The following ST3GAL2 variants were observed in gnomAD, a reference collection of about 807,000 sequenced individuals.
The protein encoded by ST3GAL2 is CMP-N-acetylneuraminate-beta-galactosamide-alpha-2,3-sialyltransferase 2.
In ST3GAL2, 16 loss-of-function variants were observed where a neutral mutation model predicts 37.5. That is an observed-to-expected ratio of 0.43 (90% CI 0.29 to 0.65). ST3GAL2 has a LOEUF of 0.65. Among genes scored for constraint, ST3GAL2 ranks in the 30% least tolerant of loss-of-function variants. ST3GAL2 has a pLI of 0.17. For synonymous variants in ST3GAL2, 238 were observed against 202.9 expected (o/e 1.17, Z -1.47); for missense variants, 383 against 487.8 (o/e 0.79, Z 2.02).
Position 70,379,789 on chromosome 16 carries a change from T to C in ST3GAL2, c.*1900A>G, listed in dbSNP as rs930186765. The C allele has an allele frequency of 8.5e-5, 12 of 140,952 alleles. No individual in the cohort carries two copies. The highest frequency in any genetic ancestry group is 3.0e-4 in the African/African-American group (12 of 40,674). The allele number at this position is 140,952 out of a possible 1,614,324, so 8.7% of individuals were successfully genotyped here. On this transcript the variant is annotated 3_prime_UTR_variant, in exon 7 of 7. Transcript: ENST00000342907. The stretch of plus-strand genomic sequence containing the variant: ...GGTGCGCACCACTGCGCCTGGCTAA[T>C]TTTTGTATTTTTTTTTTTTTTTGGT...
chr16:70,407,969 T>C lies in ST3GAL2; in HGVS notation c.-1003-8436A>G, dbSNP rs149150233. On this transcript the variant is annotated intron_variant, in intron 1 of 6. Transcript: ENST00000342907. ...TGGGGGGATGGGTGCTGCTTGCCTC[T>C]GGGAGGGAGAGGAGAAAGACGAAAG... Among the ~76,000 whole-genome samples, 12 of 152,194 alleles carry C rather than the reference T, an allele frequency of 7.9e-5. No homozygotes were observed. The East Asian group carries it at 2.3e-3, about 29-fold the overall frequency.
At position 70,425,722 on chromosome 16, in the gene ST3GAL2, CA is replaced by C. The variant is rs61445465; in HGVS notation, c.-1004+13226del. On this transcript the variant is annotated intron_variant, in intron 1 of 6. Coordinates refer to ENST00000342907, the MANE Select transcript of ST3GAL2 (RefSeq NM_006927.4). ...GGGTAACAAGAGCGAAACTCTGTCT[CA>C]AAAAAAAAAACTACTTACTTGACAT... Among the ~76,000 whole-genome samples, 54 of 144,946 alleles carry C rather than the reference CA, an allele frequency of 3.7e-4. 1 individual carries two copies. The East Asian group carries it at 8.2e-3, about 22-fold the overall frequency.
chr16:70,438,156 C>T (rs1597580977), intron 1 of ST3GAL2, among the ~76,000 whole-genome samples: 1 of 152,114 alleles, frequency 6.6e-6, no homozygotes, highest in Non-Finnish European at 1.5e-5. Context: ...CAGAGGGAAC[C>T]CGGAGTGGGT....
At chr16:70,419,117 C>A (rs922023684) in intron 1 of ST3GAL2, among the ~76,000 whole-genome samples, 9 of 152,212 alleles carry the variant, frequency 5.9e-5, no homozygotes, top group Admixed American at 2.6e-4. Context: ...CCTACCCTCC[C>A]CCACTGTAAG....
At position 70,379,189 on chromosome 16, in the gene ST3GAL2, CAG is replaced by C. The variant is rs780347272; in HGVS notation, c.*2498_*2499del. 5.9e-5 allele frequency: 9 copies of C among 152,166 alleles called. No individual in the cohort carries two copies. The highest frequency in any genetic ancestry group is 1.3e-4 in the Admixed American group (2 of 15,252). 9.4% of individuals were successfully genotyped at this position (152,166 alleles called of 1,614,324 possible). On this transcript the variant is annotated 3_prime_UTR_variant, in exon 7 of 7. Transcript: ENST00000342907. Reference sequence around the variant, plus strand: ...TGGATACCTGGAGACATCATGTTGACAGAGGCCAAAGTGGTTACAGGACAGCC... The same window carrying C: ...TGGATACCTGGAGACATCATGTTGACAGGCCAAAGTGGTTACAGGACAGCC...
chr16:70,392,210 CA>C (rs2151660660), intron 3 of ST3GAL2, among the ~76,000 whole-genome samples: 1 of 152,282 alleles, frequency 6.6e-6, no homozygotes, highest in African/African-American at 2.4e-5. Context: ...CAAGAGGTCC[CA>C]AAATATGTTT....
intron 1 of ST3GAL2, among the ~76,000 whole-genome samples, chr16:70,435,168 A>G (rs1316313929): frequency 6.6e-6 from 1 of 152,152 alleles, no homozygotes; most frequent in Non-Finnish European, 1.5e-5. Context: ...CCTTGCTTCA[A>G]ATAACCGTGG....
intron 4 of ST3GAL2, among the ~76,000 whole-genome samples, chr16:70,386,566 T>C (rs1171226643): frequency 1.3e-5 from 2 of 151,912 alleles, no homozygotes; most frequent in Non-Finnish European, 2.9e-5. Context: ...TCTTGATCTC[T>C]TGACCTCATG....
At chr16:70,406,548 G>T (rs541324431) in intron 1 of ST3GAL2, among the ~76,000 whole-genome samples, 2 of 151,952 alleles carry the variant, frequency 1.3e-5, no homozygotes, top group Admixed American at 1.3e-4. Context: ...TTGGGATGCC[G>T]AGGGTGGCGG....
intron 4 of ST3GAL2, among the ~76,000 whole-genome samples, chr16:70,384,705 CAAAAA>C (rs34907504): frequency 1.4e-5 from 1 of 69,114 alleles, no homozygotes; most frequent in Admixed American, 1.6e-4. Flanking sequence ...AACTCTGTCT[CAAAAA>C]AAAAAAAAAA....
At chr16:70,396,105 G>A (rs2047514447) in intron 2 of ST3GAL2, among the ~76,000 whole-genome samples, 1 of 151,570 alleles carries the variant, frequency 6.6e-6, no homozygotes, top group Admixed American at 6.6e-5. Flanking sequence ...CCGAGTAGCT[G>A]CAATTACAGG....
At position 70,426,008 on chromosome 16, in the gene ST3GAL2, A is replaced by T. The variant is rs146989457; in HGVS notation, c.-1004+12941T>A. Among the ~76,000 whole-genome samples, 34 of 152,158 alleles carry T rather than the reference A, an allele frequency of 2.2e-4. No individual in the cohort carries two copies. In the East Asian group the frequency reaches 4.1e-3, roughly 18 times the overall value. Reference sequence around the variant, plus strand: ...CACTGCCCACCATCAGAGTCCCCCAACCACAGGGAAGCCTCAGCAGGGGAG... The same window carrying T: ...CACTGCCCACCATCAGAGTCCCCCATCCACAGGGAAGCCTCAGCAGGGGAG... On this transcript the variant is annotated intron_variant, in intron 1 of 6. Transcript: ENST00000342907.
chr16:70,411,833 GAA>G (rs1192936574), intron 1 of ST3GAL2, among the ~76,000 whole-genome samples: 1 of 151,806 alleles, frequency 6.6e-6, no homozygotes, highest in Non-Finnish European at 1.5e-5. Flanking sequence ...CGTCTCTACT[GAA>G]AATACAAAAT....
intron 4 of ST3GAL2, among the ~76,000 whole-genome samples, chr16:70,383,720 C>T (rs141362903): frequency 2.0e-5 from 3 of 152,016 alleles, no homozygotes; most frequent in South Asian, 2.1e-4. Context: ...ATGCCCCCCA[C>T]GCCAGGCCTG....
chr16:70,383,072 C>T (rs565223485), intron 5 of ST3GAL2, 118 bp downstream of exon 5: 462 of 1,580,444 alleles, frequency 2.9e-4, no homozygotes, highest in Middle Eastern at 2.1e-3. Flanking sequence ...TCAGGCATCT[C>T]GGCAGATGGG....
intron 4 of ST3GAL2, among the ~76,000 whole-genome samples, chr16:70,385,385 G>A (rs2047435251): frequency 1.3e-5 from 2 of 152,294 alleles, no homozygotes; most frequent in South Asian, 4.1e-4. Flanking sequence ...GTTGAGGGGA[G>A]AATGGAGAGT....
At chr16:70,435,520 C>G (rs2047818972) in intron 1 of ST3GAL2, among the ~76,000 whole-genome samples, 1 of 152,078 alleles carries the variant, frequency 6.6e-6, no homozygotes, top group South Asian at 2.1e-4. Flanking sequence ...ATTACTTGAA[C>G]CCGGGAGGTG....
At chr16:70,424,447 C>T (rs993992974) in intron 1 of ST3GAL2, among the ~76,000 whole-genome samples, 2 of 150,928 alleles carry the variant, frequency 1.3e-5, no homozygotes, top group African/African-American at 2.4e-5. Context: ...ACTAAAAATA[C>T]AAAATTAGCC....
At position 70,378,422 on chromosome 16, in the gene ST3GAL2, AAG is replaced by A. The variant is rs2047367226; in HGVS notation, c.*3265_*3266del. ...CCATCTCAAAAAAAAAAAAAAAAAA[AAG>A]CCAGGCGCGGTGGCTCACGCCTGTA... is the stretch of plus-strand genomic sequence containing the variant. On this transcript the variant is annotated 3_prime_UTR_variant, in exon 7 of 7. Coordinates refer to ENST00000342907, the MANE Select transcript of ST3GAL2 (RefSeq NM_006927.4). 6.7e-6 allele frequency: 1 copy of A among 148,760 alleles called. No individual in the cohort carries two copies. The highest frequency in any genetic ancestry group is 6.7e-5 in the Admixed American group (1 of 14,912). 9.2% of individuals were successfully genotyped at this position (148,760 alleles called of 1,614,324 possible). A position where few individuals can be genotyped will look rare whatever the true frequency, so the allele number is the denominator to read the frequency against.
Sources: gnomAD v4.1 joint callset for allele counts (sites outside exome capture counted in the v4.1 genomes callset) on GRCh38, gnomAD v4.1.1 for gene constraint, MANE v1.5 for transcripts, NCBI Gene and HGNC (gene_info 2026-07-23, HGNC 2026-07-21) for gene names.